Variants in FCRL5 observed in about 807,000 individuals in gnomAD.
The protein encoded by FCRL5 is Fc receptor like 5, also known as Fc receptor-like protein 5.
Under a neutral mutation model 92.1 loss-of-function variants are expected in FCRL5, and 79 were observed. The observed-to-expected ratio is 0.86, with a 90% confidence interval of 0.72 to 1.03. The LOEUF (loss-of-function observed/expected upper bound fraction) is 1.03. Among genes scored for constraint, FCRL5 ranks in the 50% least tolerant of loss-of-function variants. FCRL5 has a pLI of 0.00. For synonymous variants in FCRL5, 466 were observed against 469.3 expected (o/e 0.99, Z 0.09); for missense variants, 1,160 against 1,181.1 (o/e 0.98, Z 0.26).
chr1:157,551,814 C>G (rs1175855563), intron 1 of FCRL5, among the ~76,000 whole-genome samples: 2 of 152,214 alleles, frequency 1.3e-5, no homozygotes, highest in African/African-American at 2.4e-5. Flanking sequence ...CTTTGTCCAC[C>G]TACGCCTCTG....
intron 1 of FCRL5, among the ~76,000 whole-genome samples, chr1:157,550,342 G>A (rs1033667200): frequency 3.9e-5 from 6 of 152,150 alleles, no homozygotes; most frequent in African/African-American, 1.2e-4. Context: ...ACAATATGAA[G>A]CAGGGAGACT....
In FCRL5 at chr1:157,521,268, G is replaced by A; in HGVS notation, c.2264C>T (p.Thr755Ile). Residue 755 changes from threonine to isoleucine, a missense_variant, in exon 11 of 17, where the codon ACC becomes ATC. Transcript: ENST00000361835. ...VAVPVSRPVL[T>I]LRAPGTHAAV... is the part of the protein sequence containing the mutation. ...AGCATGGGTCCCGGGAGCCCTGAGG[G>A]TGAGGACCGGGCGAGACACCGGAAC... 1 of 1,613,316 alleles carries A rather than the reference G, an allele frequency of 6.2e-7. No homozygotes were observed. Among genetic ancestry groups the A allele is most frequent in the Non-Finnish European group, 8.5e-7 (1 of 1,179,740 alleles).
intron 3 of FCRL5, 63 bp downstream of exon 3, chr1:157,546,880 A>C (rs1651562021): frequency 6.4e-7 from 1 of 1,570,500 alleles, no homozygotes; most frequent in East Asian, 2.2e-5. Flanking sequence ...CAGTAATAAC[A>C]GCTAGAGAGA....
At chr1:157,544,162 G>C (rs940880376) in intron 5 of FCRL5, 100 bp downstream of exon 5, 10 of 1,239,566 alleles carry the variant, frequency 8.1e-6, no homozygotes, top group Non-Finnish European at 1.2e-5. Flanking sequence ...TCACAGGTAC[G>C]AGTTTTTTCT....
intron 8 of FCRL5, chr1:157,532,608 C>T (rs1344536453): frequency 6.6e-6 from 1 of 152,116 alleles, no homozygotes; most frequent in Non-Finnish European, 1.5e-5. Context: ...CCATAATTCT[C>T]ACAGTTGATT....
intron 1 of FCRL5, 151 bp from the exon 2 acceptor site, chr1:157,549,731 T>TAC: frequency 1.8e-6 from 1 of 554,082 alleles, no homozygotes; most frequent in East Asian, 3.1e-5. Context: ...TGTATATATA[T>TAC]ACACATAAAT....
intron 15 of FCRL5, among the ~76,000 whole-genome samples, chr1:157,517,065 C>A (rs1277466492): frequency 6.6e-6 from 1 of 152,188 alleles, no homozygotes; most frequent in African/African-American, 2.4e-5. Flanking sequence ...AATCACGCAG[C>A]ACTTTTTATG....
chr1:157,524,340 G>C lies in FCRL5; in HGVS notation c.2178C>G (p.Ser726=). Residue 726 remains serine, a synonymous_variant, in exon 10 of 17, where the codon TCC becomes TCG. Transcript: ENST00000361835. ...CCTCCAGACCATTGTCTGCCTCACA[G>C]GAGTAGATTCCAGAATGTTCTGTAG... ...SLTTEHSGIY[S]CEADNGLEAQ... 2 of 1,614,280 alleles carry C rather than the reference G, an allele frequency of 1.2e-6. No individual in the cohort carries two copies. The highest frequency in any genetic ancestry group is 2.2e-5 in the South Asian group (2 of 91,088).
Position 157,520,506 on chromosome 1 carries a change from C to A in FCRL5, c.2557G>T (p.Ala853Ser). 1 of 1,576,250 alleles carries A rather than the reference C, an allele frequency of 6.3e-7. No homozygotes were observed. Among genetic ancestry groups the A allele is most frequent in the Non-Finnish European group, 8.6e-7 (1 of 1,160,710 alleles). Reference sequence around the variant, plus strand: ...CCTGCTATGCTGAGCAGGCCCCCGGCGACTCCTGTGGCAAAAGGGCCACTT... The same window carrying A: ...CCTGCTATGCTGAGCAGGCCCCCGGAGACTCCTGTGGCAAAAGGGCCACTT... The part of the protein sequence containing the change: ...NRSGPFATGV[A>S]GGLLSIAGLA... Residue 853 changes from alanine (A) to serine (S), a missense_variant, in exon 12 of 17, where the codon GCC becomes TCC. Ala to Ser is a moderately conservative substitution (Grantham distance 99). Transcript: ENST00000361835.
intron 11 of FCRL5, 107 bp downstream of exon 11, chr1:157,520,910 A>T: frequency 7.8e-7 from 1 of 1,276,568 alleles, no homozygotes; most frequent in Non-Finnish European, 1.1e-6. Flanking sequence ...CAGCTGTGTT[A>T]CTTCGCCCTG....
chr1:157,549,871 G>A (rs981257518), intron 1 of FCRL5, among the ~76,000 whole-genome samples: 10 of 149,318 alleles, frequency 6.7e-5, no homozygotes, highest in Non-Finnish European at 5.9e-5. Context: ...ATAACACAGG[G>A]TGTAAGTGCA....
rs1010798087 is a variant in FCRL5, at chr1:157,513,865, T to C, written c.*1810A>G. The C allele has an allele frequency of 1.3e-5, 2 of 152,232 alleles. No homozygotes were observed. Among genetic ancestry groups the C allele is most frequent in the Non-Finnish European group, 1.5e-5 (1 of 68,044 alleles). 9.4% of individuals were successfully genotyped at this position (152,232 alleles called of 1,614,324 possible). A position where few individuals can be genotyped will look rare whatever the true frequency, so the allele number is the denominator to read the frequency against. Reference sequence around the variant, plus strand: ...ATTTTTTTCTTTAATCCTGAGCCTATGCTTGCTGCTGTCCTTCTTGACTTT... The same window carrying C: ...ATTTTTTTCTTTAATCCTGAGCCTACGCTTGCTGCTGTCCTTCTTGACTTT... On this transcript the variant is annotated 3_prime_UTR_variant, in exon 17 of 17. Coordinates refer to ENST00000361835, the MANE Select transcript of FCRL5 (RefSeq NM_031281.3).
intron 1 of FCRL5, among the ~76,000 whole-genome samples, 165 bp from the exon 2 acceptor site, chr1:157,549,745 C>A (rs565200434): frequency 2.6e-5 from 4 of 151,726 alleles, no homozygotes; most frequent in African/African-American, 9.7e-5. Context: ...CATAAATATA[C>A]ATATATATAC....
chr1:157,538,497 G>C (rs1651085078), intron 7 of FCRL5, among the ~76,000 whole-genome samples: 1 of 152,204 alleles, frequency 6.6e-6, no homozygotes, highest in Admixed American at 6.5e-5. Flanking sequence ...AGCCGTGAGG[G>C]CATTAAGCCA....
At chr1:157,544,214 C>G in intron 5 of FCRL5, 48 bp downstream of exon 5, 1 of 1,602,822 alleles carries the variant, frequency 6.2e-7, no homozygotes, top group Non-Finnish European at 8.5e-7. Context: ...CCCTGTCCCA[C>G]TTTTCCAGCC....
At position 157,539,123 on chromosome 1, in the gene FCRL5, G is replaced by T. The variant is rs901214678; in HGVS notation, c.1365C>A (p.Gly455=). The change falls in exon 7 of 17, where the codon GGC becomes GGA. Residue 455 remains glycine, a synonymous_variant. Coordinates refer to ENST00000361835, the MANE Select transcript of FCRL5 (RefSeq NM_031281.3). ...NYYCTADNGF[G]PQRSKAVSLS... Reference sequence around the variant, plus strand: ...GGCTCACCGCCTTACTGCGCTGGGGGCCAAAGCCATTGTCAGCTGTGCAGT... The same window carrying T: ...GGCTCACCGCCTTACTGCGCTGGGGTCCAAAGCCATTGTCAGCTGTGCAGT... The T allele has an allele frequency of 6.2e-7, 1 of 1,614,074 alleles. No homozygotes were observed. Among genetic ancestry groups the T allele is most frequent in the Non-Finnish European group, 8.5e-7 (1 of 1,180,004 alleles).
At chr1:157,550,356 T>C (rs1010936182) in intron 1 of FCRL5, among the ~76,000 whole-genome samples, 9 of 152,118 alleles carry the variant, frequency 5.9e-5, no homozygotes, top group Non-Finnish European at 1.2e-4. Context: ...GGAGACTGAT[T>C]AGAAGGCAGG....
chr1:157,518,929 T>C, intron 13 of FCRL5, 147 bp from the exon 14 acceptor site: 2 of 575,418 alleles, frequency 3.5e-6, no homozygotes. Flanking sequence ...ATGGGCATTC[T>C]ATTATGAATC....
intron 8 of FCRL5, among the ~76,000 whole-genome samples, chr1:157,531,719 C>A (rs1323666693): frequency 1.3e-5 from 2 of 152,028 alleles, no homozygotes; most frequent in African/African-American, 4.8e-5. Context: ...TATCCAGGCA[C>A]AGAGAGACTG....
Sources: allele counts gnomAD v4.1 joint callset (sites outside exome capture counted in the v4.1 genomes callset), GRCh38; gene constraint gnomAD v4.1.1; transcripts MANE v1.5; gene names NCBI Gene and HGNC (gene_info 2026-07-23, HGNC 2026-07-21).